SEMA3D: variants seen among roughly 807,000 people sequenced by gnomAD.
SEMA3D encodes semaphorin-3D.
A neutral mutation model predicts 100.1 loss-of-function variants in SEMA3D; 84 were observed. That is an observed-to-expected ratio of 0.84 (90% confidence interval 0.70 to 1.01). The LOEUF (loss-of-function observed/expected upper bound fraction) is 1.01, where lower values mean the gene tolerates loss of function less well. SEMA3D is among the 50% of genes least tolerant of loss of function. SEMA3D has a pLI of 0.00. For synonymous variants in SEMA3D, 312 were observed against 320.7 expected (o/e 0.97, Z 0.29); for missense variants, 875 against 934.1 (o/e 0.94, Z 0.82).
At chr7:85,193,160 T>C in the SEMA3D span, among the ~76,000 whole-genome samples, 1 of 152,120 alleles carries the variant, frequency 6.6e-6, no homozygotes, top group South Asian at 2.1e-4. Context: ...GTCCACCAAA[T>C]GGGAGAGACA....
the SEMA3D span, among the ~76,000 whole-genome samples, chr7:85,234,463 A>G: frequency 6.6e-6 from 1 of 152,108 alleles, no homozygotes; most frequent in Non-Finnish European, 1.5e-5. Context: ...GAGAAATGAG[A>G]GATTGAGAGA....
chr7:85,006,623 G>C (rs1789802866), intron 18 of SEMA3D, among the ~76,000 whole-genome samples, 179 bp downstream of exon 18: 1 of 151,874 alleles, frequency 6.6e-6, no homozygotes, highest in African/African-American at 2.4e-5. Flanking sequence ...GAATACATTT[G>C]TGTGAAGTTG....
At chr7:85,206,425 A>G in the SEMA3D span, among the ~76,000 whole-genome samples, 4 of 152,118 alleles carry the variant, frequency 2.6e-5, no homozygotes, top group African/African-American at 4.8e-5. Context: ...GAATCACAGT[A>G]CTACTGCTTG....
At chr7:85,035,057 C>A (rs768856729) in intron 12 of SEMA3D, among the ~76,000 whole-genome samples, 1 of 151,722 alleles carries the variant, frequency 6.6e-6, no homozygotes, top group Non-Finnish European at 1.5e-5. Context: ...TCACAATAGT[C>A]AAGACATGGA....
the SEMA3D span, among the ~76,000 whole-genome samples, chr7:85,249,904 C>G: frequency 5.3e-5 from 8 of 152,120 alleles, no homozygotes; most frequent in Non-Finnish European, 1.2e-4. Context: ...TCTACAGCTC[C>G]CAGCGTGAGC....
chr7:85,009,493 A>G (rs895061672), intron 17 of SEMA3D, among the ~76,000 whole-genome samples: 2 of 151,774 alleles, frequency 1.3e-5, no homozygotes, highest in African/African-American at 2.4e-5. Flanking sequence ...AAATATCATT[A>G]CAATCTCTAC....
At chr7:85,208,761 A>T in the SEMA3D span, among the ~76,000 whole-genome samples, 155 of 152,204 alleles carry the variant, frequency 1.0e-3, no homozygotes, top group African/African-American at 3.5e-3. Context: ...GACAGTAGGT[A>T]AGTTAAGGCA....
intron 5 of SEMA3D, among the ~76,000 whole-genome samples, chr7:85,077,515 AT>A (rs1787908134): frequency 6.6e-6 from 1 of 152,158 alleles, no homozygotes; most frequent in African/African-American, 2.4e-5. Flanking sequence ...AATTAAAAAA[AT>A]ATGGGCCGCA....
the SEMA3D span, among the ~76,000 whole-genome samples, chr7:85,246,921 C>G: frequency 6.6e-6 from 1 of 151,294 alleles, no homozygotes; most frequent in African/African-American, 2.4e-5. Flanking sequence ...AAAAAAACTA[C>G]AACTACCTGC....
the SEMA3D span, among the ~76,000 whole-genome samples, chr7:85,235,102 C>G: frequency 6.6e-6 from 1 of 152,174 alleles, no homozygotes; most frequent in Non-Finnish European, 1.5e-5. Context: ...AGTAGCACCT[C>G]TGGGCATAGT....
At chr7:85,171,673 A>T (rs1308271123) in intron 1 of SEMA3D, among the ~76,000 whole-genome samples, 2 of 152,048 alleles carry the variant, frequency 1.3e-5, no homozygotes, top group Non-Finnish European at 2.9e-5. Flanking sequence ...TCGCCCACAA[A>T]ATAATTAAAA....
At chr7:85,175,933 G>T (rs967843813) in intron 1 of SEMA3D, among the ~76,000 whole-genome samples, 1 of 151,912 alleles carries the variant, frequency 6.6e-6, no homozygotes, top group African/African-American at 2.4e-5. Context: ...TTCACTCTCT[G>T]GTGTGTAAAG....
intron 2 of SEMA3D, among the ~76,000 whole-genome samples, chr7:85,129,127 G>A (rs1220412232): frequency 6.6e-6 from 1 of 151,834 alleles, no homozygotes; most frequent in African/African-American, 2.4e-5. Context: ...CTGGCCTCAA[G>A]TGATCATCCT....
intron 9 of SEMA3D, among the ~76,000 whole-genome samples, chr7:85,049,472 A>G (rs939828374): frequency 6.6e-6 from 1 of 151,806 alleles, no homozygotes; most frequent in Non-Finnish European, 1.5e-5. Flanking sequence ...AGGAATGTTA[A>G]GCAGTCCTTT....
chr7:85,164,113 T>C (rs974979077), intron 1 of SEMA3D, among the ~76,000 whole-genome samples: 1 of 152,106 alleles, frequency 6.6e-6, no homozygotes, highest in African/African-American at 2.4e-5. Context: ...AGTGAGTGCT[T>C]CAGGTCTTAC....
At chr7:85,220,543 C>T in the SEMA3D span, among the ~76,000 whole-genome samples, 1 of 151,928 alleles carries the variant, frequency 6.6e-6, no homozygotes, top group Non-Finnish European at 1.5e-5. Context: ...ATTATAATGT[C>T]AGTTCTGCAC....
At chr7:85,249,068 C>T in the SEMA3D span, among the ~76,000 whole-genome samples, 6 of 152,136 alleles carry the variant, frequency 3.9e-5, no homozygotes, top group Non-Finnish European at 7.4e-5. Context: ...AGAGGTTATG[C>T]ATGTGTGGGA....
chr7:85,249,412 T>C, the SEMA3D span, among the ~76,000 whole-genome samples: 5 of 152,080 alleles, frequency 3.3e-5, no homozygotes, highest in Non-Finnish European at 5.9e-5. Context: ...AAAAGGACAG[T>C]AGGAAAAACT....
chr7:85,033,784 A>G (rs1176694230), intron 12 of SEMA3D, among the ~76,000 whole-genome samples: 1 of 151,844 alleles, frequency 6.6e-6, no homozygotes, highest in African/African-American at 2.4e-5. Flanking sequence ...ACAGTCTATA[A>G]TATTTAACCC....
Sources: gnomAD v4.1 joint callset for allele counts (sites outside exome capture counted in the v4.1 genomes callset) on GRCh38, gnomAD v4.1.1 for gene constraint, MANE v1.5 for transcripts, NCBI Gene and HGNC (gene_info 2026-07-23, HGNC 2026-07-21) for gene names.